Variants in ULK4 observed in about 807,000 individuals in gnomAD.
ULK4 encodes inactive serine/threonine-protein kinase ULK4.
ULK4 carries 133 observed loss-of-function variants against 160.6 expected under a neutral mutation model. The ratio of observed to expected loss-of-function variants is 0.83; its 90% confidence interval spans 0.72 to 0.96. The LOEUF (loss-of-function observed/expected upper bound fraction) is 0.96. Among genes scored for constraint, ULK4 ranks in the 40% least tolerant of loss-of-function variants. The probability of loss-of-function intolerance (pLI) is 0.00; values close to 1 mark genes in which losing one functional copy is unlikely to be tolerated. For synonymous variants in ULK4, 534 were observed against 539.8 expected, an observed-to-expected ratio of 0.99 and a Z score of 0.15; for missense variants, 1,580 against 1,499.5, an observed-to-expected ratio of 1.05 and a Z score of -0.89.
chr3:41,659,550 A>T (rs918995766), intron 30 of ULK4, among the ~76,000 whole-genome samples: 1 of 152,254 alleles, frequency 6.6e-6, no homozygotes, highest in Non-Finnish European at 1.5e-5. Context: ...CAACTGCCAC[A>T]ATGGCAACAT....
At chr3:41,703,543 T>C (rs959985264) in intron 27 of ULK4, among the ~76,000 whole-genome samples, 1 of 151,734 alleles carries the variant, frequency 6.6e-6, no homozygotes, top group African/African-American at 2.4e-5. Context: ...ATGTATAAAT[T>C]AGAAAAGAAG....
intron 34 of ULK4, among the ~76,000 whole-genome samples, chr3:41,433,935 G>GCC (rs1559598463): frequency 6.6e-6 from 1 of 152,080 alleles, no homozygotes; most frequent in East Asian, 1.9e-4. Flanking sequence ...TGTTAGTCAG[G>GCC]ATGGTCTCAA....
intron 35 of ULK4, among the ~76,000 whole-genome samples, chr3:41,331,263 C>G (rs914980342): frequency 6.6e-6 from 1 of 152,102 alleles, no homozygotes; most frequent in Non-Finnish European, 1.5e-5. Context: ...AATGGCACAG[C>G]AGTGATGCAT....
intron 18 of ULK4, among the ~76,000 whole-genome samples, chr3:41,828,962 A>T (rs963171647): frequency 1.3e-5 from 2 of 150,846 alleles, no homozygotes; most frequent in Non-Finnish European, 2.9e-5. Context: ...AGATCAATGG[A>T]ACAGAACAGA....
Position 41,470,031 on chromosome 3 carries a change from A to C in ULK4, c.3227-6778T>G, listed in dbSNP as rs1001049371. The stretch of plus-strand genomic sequence containing the variant: ...AGAAACAGAACAGAAAAAAAAAAAA[A>C]AAAAAAAAAAAAAAACAAAGTATTT... On this transcript the variant is annotated intron_variant, in intron 32 of 36. Coordinates refer to ENST00000301831, the MANE Select transcript of ULK4 (RefSeq NM_017886.4). Among the ~76,000 whole-genome samples, 288 of 145,618 alleles carry C rather than the reference A, an allele frequency of 2.0e-3. 2 individuals are homozygous for C. Among genetic ancestry groups the C allele is most frequent in the African/African-American group, 6.7e-3 (268 of 40,208 alleles).
At chr3:41,933,696 ATTTT>A (rs11288284) in intron 4 of ULK4, among the ~76,000 whole-genome samples, 1 of 150,166 alleles carries the variant, frequency 6.7e-6, no homozygotes, top group Non-Finnish European at 1.5e-5. Context: ...AGAGTGTTGG[ATTTT>A]TTTTTTAAGC....
Position 41,613,516 on chromosome 3 carries a change from G to GA in ULK4, c.3120+2152dup, listed in dbSNP as rs5848607. Among the ~76,000 whole-genome samples the GA allele has an allele frequency of 6.6e-3, 956 of 145,116 alleles. 17 individuals are homozygous for GA. The East Asian group carries it at 0.078, about 12-fold the overall frequency. On this transcript the variant is annotated intron_variant, in intron 31 of 36. Transcript: ENST00000301831. ...CTCAGTTTCAGAAATGTTAAAATCT[G>GA]AAAAAAAAAAAATGTGCATCATAGA... is the stretch of plus-strand genomic sequence containing the variant.
rs185638981 is a variant in ULK4, at chr3:41,517,896, G to A, written c.3226+48129C>T. Among the ~76,000 whole-genome samples the A allele has an allele frequency of 1.6e-3, 243 of 152,196 alleles. 1 individual carries two copies. The highest frequency in any genetic ancestry group is 0.014 in the Admixed American group (210 of 15,294). ...GGTAATTGTGTAATTAAAGGCAATG[G>A]CAAAAACCGCAATTACATTTGCACC... On this transcript the variant is annotated intron_variant, in intron 32 of 36. Coordinates refer to ENST00000301831, the MANE Select transcript of ULK4 (RefSeq NM_017886.4).
rs139690496 is a variant in ULK4, at chr3:41,917,287, C to T, written c.727+1170G>A. On this transcript the variant is annotated intron_variant, in intron 7 of 36. Coordinates refer to ENST00000301831, the MANE Select transcript of ULK4 (RefSeq NM_017886.4). ...GAGAGGCCAAGGCAGGCGGATCACT[C>T]GAGGCCAGGAGTTCAAGACAAGCTA... Among the ~76,000 whole-genome samples the T allele has an allele frequency of 5.4e-3, 814 of 151,942 alleles. 6 individuals carry two copies. The highest frequency in any genetic ancestry group is 0.018 in the African/African-American group (743 of 41,448).
At chr3:41,497,229 G>A (rs2085025800) in intron 32 of ULK4, among the ~76,000 whole-genome samples, 1 of 152,038 alleles carries the variant, frequency 6.6e-6, no homozygotes, top group South Asian at 2.1e-4. Context: ...TATCTGAAAT[G>A]AAGCATTCAC....
At chr3:41,284,346 C>A (rs958437733) in intron 35 of ULK4, among the ~76,000 whole-genome samples, 5 of 152,008 alleles carry the variant, frequency 3.3e-5, no homozygotes, top group African/African-American at 1.2e-4. Context: ...TTCACACTTT[C>A]CTATAAGGCC....
intron 35 of ULK4, among the ~76,000 whole-genome samples, chr3:41,358,705 C>T (rs56908202): frequency 0.048 from 7,247 of 152,042 alleles, 443 homozygotes; most frequent in East Asian, 0.19. Flanking sequence ...GGAGGTGAGA[C>T]GTGTAGGTAG....
intron 34 of ULK4, among the ~76,000 whole-genome samples, chr3:41,400,802 T>C (rs554449913): frequency 1.3e-5 from 2 of 152,322 alleles, no homozygotes; most frequent in African/African-American, 4.8e-5. Flanking sequence ...CTAGCATCAA[T>C]GTACAAAAGA....
At chr3:41,266,746 C>A (rs2079041484) in intron 35 of ULK4, among the ~76,000 whole-genome samples, 1 of 152,068 alleles carries the variant, frequency 6.6e-6, no homozygotes, top group Non-Finnish European at 1.5e-5. Flanking sequence ...TAAATAAAGG[C>A]AGGAAAATAA....
At chr3:41,293,145 T>C (rs2079604709) in intron 35 of ULK4, among the ~76,000 whole-genome samples, 1 of 151,132 alleles carries the variant, frequency 6.6e-6, no homozygotes, top group South Asian at 2.1e-4. Context: ...CTAAAGAATA[T>C]AAATAAGGTA....
intron 31 of ULK4, among the ~76,000 whole-genome samples, chr3:41,576,699 T>C (rs9839300): frequency 0.093 from 14,199 of 152,240 alleles, 2,229 homozygotes; most frequent in African/African-American, 0.32. Flanking sequence ...TGCTTTCAGT[T>C]TATATTCACT....
chr3:41,906,142 G>A (rs868082811), intron 12 of ULK4, among the ~76,000 whole-genome samples: 64 of 150,534 alleles, frequency 4.3e-4, no homozygotes, highest in Admixed American at 1.9e-3. Flanking sequence ...GCGTGAACCC[G>A]GGAGGCGGAG....
chr3:41,824,099 GT>G (rs147521023), intron 18 of ULK4, among the ~76,000 whole-genome samples: 18,313 of 150,164 alleles, frequency 0.12, 1,294 homozygotes, highest in Middle Eastern at 0.26. Context: ...GGAGGTGGGG[GT>G]TGCAGTGAGC....
At chr3:41,481,553 C>T (rs568209379) in intron 32 of ULK4, among the ~76,000 whole-genome samples, 5 of 152,282 alleles carry the variant, frequency 3.3e-5, no homozygotes, top group South Asian at 2.1e-4. Flanking sequence ...CCTGGCCGGG[C>T]GCGGTGGCTC....
Sources: allele counts gnomAD v4.1 joint callset (sites outside exome capture counted in the v4.1 genomes callset), GRCh38; gene constraint gnomAD v4.1.1; transcripts MANE v1.5; gene names NCBI Gene and HGNC (gene_info 2026-07-23, HGNC 2026-07-21).